The following ATXN1 variants were observed in gnomAD, a reference collection of about 807,000 sequenced individuals.
ATXN1 encodes ataxin 1.
ATXN1 carries 8 observed loss-of-function variants against 56.4 expected under a neutral mutation model. The observed-to-expected ratio is 0.14, with a 90% confidence interval of 0.08 to 0.26. The LOEUF is 0.26. Ranked by LOEUF, ATXN1 falls within the 10% of genes least tolerant of loss-of-function variation. The pLI, the probability that ATXN1 is intolerant of heterozygous loss-of-function variation, is 1.00. For synonymous variants in ATXN1, 514 were observed against 494.6 expected (o/e 1.04, Z -0.52); for missense variants, 987 against 1,106.5 (o/e 0.89, Z 1.53).
intron 6 of ATXN1, among the ~76,000 whole-genome samples, chr6:16,357,892 C>G (rs1761723725): frequency 6.6e-6 from 1 of 152,090 alleles, no homozygotes; most frequent in Non-Finnish European, 1.5e-5. Flanking sequence ...GATAATAAAG[C>G]TCGTTAATAA....
intron 2 of ATXN1, among the ~76,000 whole-genome samples, chr6:16,710,635 C>T (rs1337313107): frequency 1.3e-5 from 2 of 152,028 alleles, no homozygotes; most frequent in South Asian, 4.2e-4. Context: ...TCACCCAGGC[C>T]GGAGTGCAGT....
intron 6 of ATXN1, among the ~76,000 whole-genome samples, chr6:16,359,930 G>A (rs748652575): frequency 3.9e-5 from 6 of 152,002 alleles, no homozygotes; most frequent in Non-Finnish European, 8.8e-5. Context: ...GGGTGGGAGG[G>A]GGGTGAGGGA....
chr6:16,632,957 A>AT (rs1763532669), intron 3 of ATXN1, among the ~76,000 whole-genome samples: 1 of 151,412 alleles, frequency 6.6e-6, no homozygotes, highest in Non-Finnish European at 1.5e-5. Context: ...AGATCACGTC[A>AT]TTGCTCTCTA....
In ATXN1 at chr6:16,327,408, G is replaced by A. The variant is rs1316191028; in HGVS notation, c.903C>T (p.Val301=). 5.0e-6 allele frequency: 8 copies of A among 1,613,640 alleles called. No individual in the cohort carries two copies. In the African/African-American group the frequency reaches 8.0e-5, roughly 16 times the overall value. ...MQYADSGSHF[V]PREATKKAES... ...CAGCTTTCTTGGTGGCCTCCCGAGGGACAAAGTGGCTGCCGGAGTCGGCGT... is the reference window on the plus strand; with the variant it reads ...CAGCTTTCTTGGTGGCCTCCCGAGGAACAAAGTGGCTGCCGGAGTCGGCGT... Residue 301 remains valine (V), a synonymous_variant, in exon 7 of 8, where the codon GTC becomes GTT. Transcript: ENST00000436367.
intron 2 of ATXN1, among the ~76,000 whole-genome samples, chr6:16,712,504 C>T (rs557636917): frequency 2.0e-5 from 3 of 152,188 alleles, no homozygotes; most frequent in East Asian, 3.9e-4. Context: ...CAGGAAGACA[C>T]GAGTGAACTG....
chr6:16,602,785 T>TA, intron 3 of ATXN1, among the ~76,000 whole-genome samples: 1 of 152,112 alleles, frequency 6.6e-6, no homozygotes, highest in Non-Finnish European at 1.5e-5. Flanking sequence ...GAGGATAAGG[T>TA]AACGTCTCCT....
chr6:16,423,773 A>G (rs1203630711), intron 6 of ATXN1, among the ~76,000 whole-genome samples: 1 of 152,234 alleles, frequency 6.6e-6, no homozygotes, highest in East Asian at 1.9e-4. Flanking sequence ...GCTCCTGGAG[A>G]AGCAAGTTGG....
intron 4 of ATXN1, among the ~76,000 whole-genome samples, chr6:16,564,027 T>C (rs567206769): frequency 6.6e-6 from 1 of 152,208 alleles, no homozygotes; most frequent in Non-Finnish European, 1.5e-5. Flanking sequence ...GCATGGACCT[T>C]GCTGAGTAAA....
At position 16,390,408 on chromosome 6, in the gene ATXN1, C is replaced by T. The variant is rs557643974; in HGVS notation, c.-160-61938G>A. ...CATGCAAGCATCTTTCTCTCATACA[C>T]TGCACTGCCTTTGGGATGCCTGAGT... On this transcript the variant is annotated intron_variant, in intron 6 of 7. Coordinates refer to ENST00000436367, the MANE Select transcript of ATXN1 (RefSeq NM_001128164.2). Among the ~76,000 whole-genome samples, 7 of 152,234 alleles carry T rather than the reference C, an allele frequency of 4.6e-5. No individual in the cohort carries two copies. In the East Asian group the frequency reaches 1.3e-3, roughly 29 times the overall value.
rs1387593615 is a variant in ATXN1 at position 16,304,908 on chromosome 6, C to T, written c.*1421G>A. The T allele has an allele frequency of 2.6e-5, 4 of 152,622 alleles. No homozygotes were observed. Among genetic ancestry groups the T allele is most frequent in the Admixed American group, 6.5e-5 (1 of 15,270 alleles). The allele number at this position is 152,622 out of a possible 1,614,324, so 9.5% of individuals were successfully genotyped here. A position where few individuals can be genotyped will look rare whatever the true frequency, so the allele number is the denominator to read the frequency against. On this transcript the variant is annotated 3_prime_UTR_variant, in exon 8 of 8. Coordinates refer to ENST00000436367, the MANE Select transcript of ATXN1 (RefSeq NM_001128164.2). ...AGTTTCTCTGCCAACTCTGCATATG[C>T]CTTGAACTGATTCTCAGACATCAAA... is the stretch of plus-strand genomic sequence containing the variant.
At chr6:16,545,627 G>A in intron 4 of ATXN1, among the ~76,000 whole-genome samples, 1 of 152,180 alleles carries the variant, frequency 6.6e-6, no homozygotes, top group East Asian at 1.9e-4. Context: ...TGGGGTGGTT[G>A]ACATGGACCG....
intron 6 of ATXN1, among the ~76,000 whole-genome samples, chr6:16,431,047 T>G (rs1759272990): frequency 6.6e-6 from 1 of 151,938 alleles, no homozygotes; most frequent in Non-Finnish European, 1.5e-5. Flanking sequence ...CAGTCCGGAA[T>G]GCACATGTAC....
chr6:16,370,869 C>T (rs1762026228), intron 6 of ATXN1, among the ~76,000 whole-genome samples: 1 of 152,138 alleles, frequency 6.6e-6, no homozygotes. Context: ...AATCCAAAAG[C>T]ACTTGGCAAA....
At chr6:16,416,465 T>C (rs1461411458) in intron 6 of ATXN1, among the ~76,000 whole-genome samples, 2 of 152,208 alleles carry the variant, frequency 1.3e-5, no homozygotes, top group Admixed American at 6.5e-5. Flanking sequence ...GTGCAAACTA[T>C]AAAATATAAG....
chr6:16,449,412 T>C (rs1388743394), intron 6 of ATXN1, among the ~76,000 whole-genome samples: 2 of 152,212 alleles, frequency 1.3e-5, no homozygotes, highest in Admixed American at 1.3e-4. Flanking sequence ...AAGTTCAAGA[T>C]TGGACCCACC....
At chr6:16,411,706 T>C (rs1758803802) in intron 6 of ATXN1, among the ~76,000 whole-genome samples, 1 of 152,190 alleles carries the variant, frequency 6.6e-6, no homozygotes, top group South Asian at 2.1e-4. Flanking sequence ...GAGAAATGAA[T>C]GTCACCGTAG....
chr6:16,328,550 G>A lies in ATXN1; in HGVS notation c.-160-80C>T, dbSNP rs1425602269. ...AAGGAGGGAAAGGACATCAGAACAT[G>A]AGCACCGGGGAAAGAACATCTTTGG... is the stretch of plus-strand genomic sequence containing the variant. On this transcript the variant is annotated intron_variant, in intron 6 of 7. Transcript: ENST00000436367. This position sits in a 1 kb window ranked among gnomAD's most constrained non-coding sequence, Gnocchi z 6.2. 4 of 579,962 alleles carry A rather than the reference G, an allele frequency of 6.9e-6. No homozygotes were observed. The East Asian group carries it at 1.1e-4, about 15-fold the overall frequency. The allele number at this position is 579,962 out of a possible 1,614,324, so 35.9% of individuals were successfully genotyped here. A position where few individuals can be genotyped will look rare whatever the true frequency, so the allele number is the denominator to read the frequency against.
intron 2 of ATXN1, among the ~76,000 whole-genome samples, chr6:16,719,464 G>A (rs1454503508): frequency 6.6e-6 from 1 of 152,174 alleles, no homozygotes; most frequent in Non-Finnish European, 1.5e-5. Flanking sequence ...AATAAATGAA[G>A]ATGGCTTTAA....
At chr6:16,403,093 T>G (rs995048852) in intron 6 of ATXN1, among the ~76,000 whole-genome samples, 4 of 152,212 alleles carry the variant, frequency 2.6e-5, no homozygotes, top group African/African-American at 9.6e-5. Flanking sequence ...TGTATGTATG[T>G]ATGGATATAA....
Sources: allele counts gnomAD v4.1 joint callset (sites outside exome capture counted in the v4.1 genomes callset), GRCh38; gene constraint gnomAD v4.1.1; non-coding constraint Gnocchi (gnomAD v3.1); transcripts MANE v1.5; gene names NCBI Gene and HGNC (gene_info 2026-07-23, HGNC 2026-07-21).